RAD17: variants seen among roughly 807,000 people sequenced by gnomAD.
RAD17 encodes RAD17 checkpoint clamp loader component.
A neutral mutation model predicts 81.5 loss-of-function variants in RAD17; 31 were observed. That is an observed-to-expected ratio of 0.38 (90% CI 0.29 to 0.51). RAD17 has a LOEUF of 0.51. Ranked by LOEUF, RAD17 falls within the 20% of genes least tolerant of loss-of-function variation. The pLI, the probability that RAD17 is intolerant of heterozygous loss-of-function variation, is 0.88. For missense variants in RAD17, 681 were observed against 781.2 expected, an observed-to-expected ratio of 0.87 and a Z score of 1.53; for synonymous variants, 261 against 266.2, an observed-to-expected ratio of 0.98 and a Z score of 0.19.
chr5:69,369,574 AAAGCCCACGGCCCCAAAGGCCCCG>A (rs1406636861), upstream of RAD17: 2 of 1,605,654 alleles, frequency 1.2e-6, no homozygotes, highest in Non-Finnish European at 1.7e-6. Context: ...GGCGGCAGCA[AAAGCCCACGGCCCCAAAGGCCCCG>A]AAGCCCACCG....
intron 17 of RAD17, among the ~76,000 whole-genome samples, chr5:69,405,121 G>T (rs534653955): frequency 2.6e-5 from 4 of 152,312 alleles, no homozygotes; most frequent in African/African-American, 9.6e-5. Context: ...ACAAACGTTG[G>T]CTAGGGTGTG....
intron 15 of RAD17, among the ~76,000 whole-genome samples, chr5:69,394,418 A>T (rs923726756): frequency 6.6e-6 from 1 of 152,100 alleles, no homozygotes; most frequent in Non-Finnish European, 1.5e-5. Flanking sequence ...ACAACCATTA[A>T]GAAGTAGATA....
intron 1 of RAD17, chr5:69,370,699 T>C (rs1163789269): frequency 3.9e-5 from 6 of 152,804 alleles, no homozygotes; most frequent in Non-Finnish European, 8.8e-5. Context: ...TAGGTGTTTT[T>C]TTTCCACCTG....
chr5:69,374,044 C>T lies in RAD17; in HGVS notation c.224C>T (p.Ser75Phe). The change falls in exon 5 of 19, where the codon TCT becomes TTT. Residue 75 changes from serine to phenylalanine, a missense_variant. Transcript: ENST00000354868. Reference protein sequence around the residue: ...YGLENSKEYLSENEPWVDKYK... With the variant: ...YGLENSKEYLFENEPWVDKYK... ...TTAGAAAATTCAAAAGAATATCTGT[C>T]TGAAAATGAACCATGGGTGGATAAA... 2 of 1,610,646 alleles carry T rather than the reference C, an allele frequency of 1.2e-6. No homozygotes were observed. Among genetic ancestry groups the T allele is most frequent in the Non-Finnish European group, 8.5e-7 (1 of 1,177,754 alleles).
At chr5:69,409,967 C>T (rs2150889685) in intron 17 of RAD17, among the ~76,000 whole-genome samples, 1 of 152,280 alleles carries the variant, frequency 6.6e-6, no homozygotes. Context: ...GATGTCATCG[C>T]AGTTCATTTG....
At chr5:69,413,716 A>G (rs770773369) in intron 18 of RAD17, among the ~76,000 whole-genome samples, 45 of 152,028 alleles carry the variant, frequency 3.0e-4, no homozygotes, top group Admixed American at 6.6e-4. Flanking sequence ...TCTATTTTCA[A>G]TAGAGATGGG....
upstream of RAD17, chr5:69,369,452 C>T (rs757608595): frequency 1.9e-6 from 3 of 1,610,442 alleles, no homozygotes; most frequent in East Asian, 2.2e-5. Flanking sequence ...CTCCCGGCCG[C>T]GCGCCCTGAC....
rs374731712 is a variant in RAD17 at position 69,374,676 on chromosome 5, T to C, written c.316T>C (p.Leu106=). Residue 106 remains leucine, a synonymous_variant, in exon 6 of 19, where the codon TTA becomes CTA. Coordinates refer to ENST00000354868, the MANE Select transcript of RAD17 (RefSeq NM_133338.3). ...GAAAATTGAAGAAGTCGAAACCTGGTTAAAAGCTCAAGTTTTAGAAAGGCA... is the reference window on the plus strand; with the variant it reads ...GAAAATTGAAGAAGTCGAAACCTGGCTAAAAGCTCAAGTTTTAGAAAGGCA... The part of the protein sequence containing the change: ...KKKIEEVETW[L]KAQVLERQPK... The C allele has an allele frequency of 6.2e-7, 1 of 1,612,272 alleles. No homozygotes were observed. Among genetic ancestry groups the C allele is most frequent in the Non-Finnish European group, 8.5e-7 (1 of 1,179,464 alleles).
At chr5:69,392,756 C>T (rs1376883501) in intron 13 of RAD17, 1 of 439,258 alleles carries the variant, frequency 2.3e-6, no homozygotes, top group South Asian at 1.6e-5. Flanking sequence ...ATACGTTTAT[C>T]GTCTCTTGCA....
intron 5 of RAD17, among the ~76,000 whole-genome samples, chr5:69,374,323 T>C (rs1763205130): frequency 6.6e-6 from 1 of 152,228 alleles, no homozygotes; most frequent in African/African-American, 2.4e-5. Context: ...AATTGATCTT[T>C]TTAAAAATTT....
chr5:69,372,753 A>G (rs1359794220), intron 4 of RAD17, among the ~76,000 whole-genome samples: 1 of 152,132 alleles, frequency 6.6e-6, no homozygotes, highest in African/African-American at 2.4e-5. Context: ...CTGGGAATAC[A>G]GGCGTGCGCC....
Position 69,372,127 on chromosome 5 carries a change from A to T in RAD17, c.-82A>T. ...TGCTGTCGAAAGTTTTACTATAATG[A>T]AAGATATTTTCATACTCTCAAAAAT... is the stretch of plus-strand genomic sequence containing the variant. On this transcript the variant is annotated 5_prime_UTR_variant, in exon 4 of 19. The change creates a premature stop within an existing upstream ORF in the 5' untranslated region. Transcript: ENST00000354868. 7.9e-6 allele frequency: 12 copies of T among 1,510,200 alleles called. No individual in the cohort carries two copies. In the South Asian group the frequency reaches 1.5e-4, roughly 19 times the overall value. 93.5% of individuals were successfully genotyped at this position (1,510,200 alleles called of 1,614,324 possible).
intron 4 of RAD17, 85 bp downstream of exon 4, chr5:69,372,302 G>A (rs779450150): frequency 2.4e-6 from 3 of 1,256,570 alleles, no homozygotes; most frequent in Non-Finnish European, 3.5e-6. Flanking sequence ...TAAAAGAAGA[G>A]TGAAGTGTGA....
At chr5:69,400,446 G>C (rs1765193313) in intron 17 of RAD17, among the ~76,000 whole-genome samples, 1 of 151,948 alleles carries the variant, frequency 6.6e-6, no homozygotes, top group Non-Finnish European at 1.5e-5. Flanking sequence ...TCGATCTCCT[G>C]ACCTTGTGAT....
chr5:69,398,746 C>G (rs1765059070), intron 16 of RAD17, among the ~76,000 whole-genome samples: 1 of 150,696 alleles, frequency 6.6e-6, no homozygotes, highest in Non-Finnish European at 1.5e-5. Context: ...GCAGAAGTTG[C>G]AGTGAGCCGA....
At chr5:69,381,810 G>A (rs2150800389) in intron 6 of RAD17, 91 bp from the exon 7 acceptor site, 1 of 904,836 alleles carries the variant, frequency 1.1e-6, no homozygotes, top group African/African-American at 1.7e-5. Context: ...AATATTTATA[G>A]AAGTAAATAT....
chr5:69,404,767 T>A (rs1765486979), intron 17 of RAD17, among the ~76,000 whole-genome samples: 1 of 111,104 alleles, frequency 9.0e-6, no homozygotes. Context: ...AAAATTCTGT[T>A]TCAAAAAAAA....
In RAD17 at chr5:69,414,464, T is replaced by C. The variant is rs1278711024; in HGVS notation, c.*172T>C. 1 of 792,984 alleles carries C rather than the reference T, an allele frequency of 1.3e-6. No homozygotes were observed. Among genetic ancestry groups the C allele is most frequent in the Non-Finnish European group, 1.9e-6 (1 of 514,880 alleles). 49.1% of individuals were successfully genotyped at this position (792,984 alleles called of 1,614,324 possible). A position where few individuals can be genotyped will look rare whatever the true frequency, so the allele number is the denominator to read the frequency against. ...TACTCTTCTGTCATCTTGAAGTAAA[T>C]AGAAGATCAAGCCTTCAAATCTCTT... On this transcript the variant is annotated 3_prime_UTR_variant, in exon 19 of 19. Coordinates refer to ENST00000354868, the MANE Select transcript of RAD17 (RefSeq NM_133338.3).
intron 18 of RAD17, 85 bp downstream of exon 18, chr5:69,410,635 T>C (rs1765915232): frequency 8.0e-7 from 1 of 1,257,054 alleles, no homozygotes; most frequent in Admixed American, 1.8e-5. Flanking sequence ...CTGTTACCTG[T>C]AACATCCAAG....
Sources: allele counts gnomAD v4.1 joint callset (sites outside exome capture counted in the v4.1 genomes callset), GRCh38; gene constraint gnomAD v4.1.1; transcripts MANE v1.5; gene names NCBI Gene and HGNC (gene_info 2026-07-23, HGNC 2026-07-21).